Variants in CAMKMT observed in about 807,000 individuals in gnomAD.
CAMKMT encodes CaM KMT.
In CAMKMT, 53 loss-of-function variants were observed where a neutral mutation model predicts 48.0. That is an observed-to-expected ratio of 1.10 (90% CI 0.89 to 1.39). The LOEUF is 1.39. Among genes scored for constraint, CAMKMT ranks in the 40% most tolerant of loss-of-function variants. CAMKMT has a pLI of 0.00. For missense variants in CAMKMT, 428 were observed against 402.7 expected (o/e 1.06, Z -0.54); for synonymous variants, 165 against 152.3 (o/e 1.08, Z -0.61).
chr2:44,605,567 T>C (rs914985828), intron 3 of CAMKMT, among the ~76,000 whole-genome samples: 1 of 152,116 alleles, frequency 6.6e-6, no homozygotes, highest in African/African-American at 2.4e-5. Flanking sequence ...TGAAAAAGTG[T>C]AGTTTCCTAA....
chr2:44,436,259 G>A (rs958339961), intron 3 of CAMKMT, among the ~76,000 whole-genome samples: 2 of 152,028 alleles, frequency 1.3e-5, no homozygotes, highest in Non-Finnish European at 2.9e-5. Flanking sequence ...TGTATTTTTA[G>A]TAGAGACAGG....
At chr2:44,481,809 T>TA (rs996202638) in intron 3 of CAMKMT, among the ~76,000 whole-genome samples, 3 of 152,018 alleles carry the variant, frequency 2.0e-5, no homozygotes, top group African/African-American at 2.4e-5. Flanking sequence ...TATGCTGGTT[T>TA]AAAAAATAAG....
At chr2:44,570,218 C>T (rs1668834975) in intron 3 of CAMKMT, among the ~76,000 whole-genome samples, 1 of 152,100 alleles carries the variant, frequency 6.6e-6, no homozygotes, top group Non-Finnish European at 1.5e-5. Flanking sequence ...TTGTATCAGA[C>T]CCATTGAGTT....
chr2:44,767,928 G>T (rs928274586), intron 10 of CAMKMT, among the ~76,000 whole-genome samples: 52 of 152,158 alleles, frequency 3.4e-4, no homozygotes, highest in African/African-American at 1.2e-3. Context: ...TAGTTTCCCA[G>T]TGACAGCTCA....
chr2:44,620,634 T>G (rs767021940), intron 3 of CAMKMT, among the ~76,000 whole-genome samples: 9 of 152,262 alleles, frequency 5.9e-5, no homozygotes, highest in Non-Finnish European at 8.8e-5. Context: ...TCAGGCATCA[T>G]AGATGACTTG....
At chr2:44,768,361 A>ATATATATATATATATATATATCTTTTT (rs35058824) in intron 10 of CAMKMT, among the ~76,000 whole-genome samples, 1 of 115,744 alleles carries the variant, frequency 8.6e-6, no homozygotes, top group African/African-American at 3.7e-5. Context: ...ATATATATAT[A>ATATATATATATATATATATATCTTTTT]TTTTTTTTTT....
At chr2:44,631,844 A>C (rs1672852367) in intron 3 of CAMKMT, 1 of 243,274 alleles carries the variant, frequency 4.1e-6, no homozygotes, top group African/African-American at 2.3e-5. Flanking sequence ...CTCTTGGTTT[A>C]GTGGCTATAC....
At chr2:44,561,484 T>C (rs895016255) in intron 3 of CAMKMT, among the ~76,000 whole-genome samples, 1 of 152,260 alleles carries the variant, frequency 6.6e-6, no homozygotes, top group Non-Finnish European at 1.5e-5. Context: ...AGCATGTGAC[T>C]TTCTTTTCCT....
At chr2:44,454,662 G>T (rs1667464958) in intron 3 of CAMKMT, among the ~76,000 whole-genome samples, 2 of 151,968 alleles carry the variant, frequency 1.3e-5, no homozygotes. Context: ...TTTCTGATCT[G>T]TTTCTCTATT....
chr2:44,723,753 A>T (rs1678622406), intron 7 of CAMKMT: 1 of 152,160 alleles, frequency 6.6e-6, no homozygotes, highest in Non-Finnish European at 1.5e-5. Flanking sequence ...CAAGAAAGGA[A>T]AGGACCTGAC....
At chr2:44,519,044 C>A (rs921738323) in intron 3 of CAMKMT, among the ~76,000 whole-genome samples, 6 of 152,058 alleles carry the variant, frequency 3.9e-5, no homozygotes, top group Non-Finnish European at 8.8e-5. Context: ...GCTTTTAGAC[C>A]AAATGTAATG....
intron 1 of CAMKMT, among the ~76,000 whole-genome samples, chr2:44,370,693 C>A (rs1038094945): frequency 6.6e-6 from 1 of 152,118 alleles, no homozygotes; most frequent in African/African-American, 2.4e-5. Flanking sequence ...CAAATTTTTG[C>A]AATGAATGCT....
intron 3 of CAMKMT, among the ~76,000 whole-genome samples, chr2:44,700,972 G>T (rs143153295): frequency 6.6e-6 from 1 of 152,148 alleles, no homozygotes; most frequent in South Asian, 2.1e-4. Context: ...GCATGTATCA[G>T]TTCTTCTTTT....
At chr2:44,394,938 T>G (rs1318136880) in intron 3 of CAMKMT, 5 of 455,078 alleles carry the variant, frequency 1.1e-5, no homozygotes, top group Admixed American at 9.4e-5. Flanking sequence ...GCTGGATGAT[T>G]GCTTGAGCCC....
intron 3 of CAMKMT, among the ~76,000 whole-genome samples, chr2:44,610,799 G>A (rs1671553790): frequency 6.6e-6 from 1 of 152,084 alleles, no homozygotes; most frequent in African/African-American, 2.4e-5. Flanking sequence ...ACAGAATATT[G>A]TACATATTTC....
At chr2:44,564,895 C>T (rs141335117) in intron 3 of CAMKMT, among the ~76,000 whole-genome samples, 2 of 152,300 alleles carry the variant, frequency 1.3e-5, no homozygotes, top group East Asian at 1.9e-4. Flanking sequence ...TACATATATG[C>T]AGGTATCCAC....
At chr2:44,742,216 A>G (rs1474982557) in intron 7 of CAMKMT, among the ~76,000 whole-genome samples, 1 of 152,188 alleles carries the variant, frequency 6.6e-6, no homozygotes, top group Non-Finnish European at 1.5e-5. Context: ...CCCCAGGTGC[A>G]TGGAGTTTCT....
At chr2:44,523,600 G>C (rs540025576) in intron 3 of CAMKMT, among the ~76,000 whole-genome samples, 2 of 151,404 alleles carry the variant, frequency 1.3e-5, no homozygotes, top group South Asian at 4.2e-4. Context: ...TGTCCAAGGG[G>C]ACCCACTTAT....
At chr2:44,610,376 A>G (rs1292168171) in intron 3 of CAMKMT, among the ~76,000 whole-genome samples, 2 of 152,166 alleles carry the variant, frequency 1.3e-5, no homozygotes, top group African/African-American at 2.4e-5. Context: ...AGGGAAGAAT[A>G]AGGACCAAAT....
Sources: allele counts gnomAD v4.1 joint callset (sites outside exome capture counted in the v4.1 genomes callset), GRCh38; gene constraint gnomAD v4.1.1; transcripts MANE v1.5; gene names NCBI Gene and HGNC (gene_info 2026-07-23, HGNC 2026-07-21).